Variants in RNF144A observed in about 807,000 individuals in gnomAD.
RNF144A encodes the protein ring finger protein 144A, also known as E3 ubiquitin-protein ligase RNF144A.
A neutral mutation model predicts 38.7 loss-of-function variants in RNF144A; 11 were observed. The ratio of observed to expected loss-of-function variants is 0.28; its 90% CI spans 0.18 to 0.47. The LOEUF (loss-of-function observed/expected upper bound fraction) is 0.47, where lower values mean the gene tolerates loss of function less well. Ranked by LOEUF, RNF144A falls within the 20% of genes least tolerant of loss-of-function variation. RNF144A has a pLI of 0.99. For missense variants in RNF144A, 316 were observed against 377.2 expected (o/e 0.84, Z 1.34); for synonymous variants, 149 against 143.9 (o/e 1.04, Z -0.25).
chr2:6,942,875 T>C (rs543511952), intron 2 of RNF144A, among the ~76,000 whole-genome samples: 7 of 152,248 alleles, frequency 4.6e-5, no homozygotes, highest in Non-Finnish European at 8.8e-5. Context: ...TTCCAGCTAC[T>C]CGGGAGGCTG....
chr2:6,959,694 A>G (rs962942433), intron 2 of RNF144A, among the ~76,000 whole-genome samples: 7 of 152,172 alleles, frequency 4.6e-5, no homozygotes, highest in Non-Finnish European at 2.9e-5. Context: ...TACTCCTATG[A>G]TAACCCATTA....
intron 2 of RNF144A, among the ~76,000 whole-genome samples, chr2:6,983,841 G>A (rs1038153936): frequency 6.6e-6 from 1 of 152,158 alleles, no homozygotes; most frequent in South Asian, 2.1e-4. Flanking sequence ...TGGCAGCTCC[G>A]TCCTGCTGCC....
intron 3 of RNF144A, among the ~76,000 whole-genome samples, chr2:7,001,107 C>G (rs1670074476): frequency 6.6e-6 from 1 of 151,798 alleles, no homozygotes; most frequent in Non-Finnish European, 1.5e-5. Flanking sequence ...CGAGACCAGC[C>G]TGGCCAACAT....
rs757487227 is a variant in RNF144A at position 6,941,800 on chromosome 2, C to T, written c.-12+653C>T. On this transcript the variant is annotated intron_variant, in intron 2 of 8. Coordinates refer to ENST00000320892, the MANE Select transcript of RNF144A (RefSeq NM_014746.6). This position sits in a 1 kb window ranked among gnomAD's most constrained non-coding sequence, Gnocchi z 6.5. ...AGTAACTAGCCACTTAGCATCTGGG[C>T]AAGAGCGCTGTAGACAGAAGGGCTG... 7.2e-5 allele frequency among the ~76,000 whole-genome samples: 11 copies of T among 152,196 alleles called. No homozygotes were observed. Among genetic ancestry groups the T allele is most frequent in the East Asian group, 1.9e-4 (1 of 5,196 alleles).
At chr2:7,017,625 T>A (rs1671225906) in intron 5 of RNF144A, among the ~76,000 whole-genome samples, 1 of 152,250 alleles carries the variant, frequency 6.6e-6, no homozygotes. Flanking sequence ...AGAGACCTGC[T>A]TCATTAATCT....
Position 6,979,271 on chromosome 2 carries a change from G to A in RNF144A, c.-11-17645G>A, listed in dbSNP as rs559833541. Among the ~76,000 whole-genome samples the A allele has an allele frequency of 2.6e-5, 4 of 152,316 alleles. No individual in the cohort carries two copies. In the East Asian group the frequency reaches 7.7e-4, roughly 29 times the overall value. On this transcript the variant is annotated intron_variant, in intron 2 of 8. Coordinates refer to ENST00000320892, the MANE Select transcript of RNF144A (RefSeq NM_014746.6). ...GATCACGTGGACTTCCTCACAGGGA[G>A]GGTGGGAGATGCAGATGAGATGAGA...
At chr2:7,045,597 C>T (rs1236916575), downstream of RNF144A, among the ~76,000 whole-genome samples, 5 of 152,162 alleles carry the variant, frequency 3.3e-5, no homozygotes, top group Non-Finnish European at 7.4e-5. Context: ...TAGAGCCTAC[C>T]CTGATGACCT....
intron 7 of RNF144A, among the ~76,000 whole-genome samples, chr2:7,026,119 G>C (rs1423552029): frequency 6.6e-6 from 1 of 152,162 alleles, no homozygotes; most frequent in Non-Finnish European, 1.5e-5. Flanking sequence ...TGAGAGATTT[G>C]TCTAGAAGAA....
Position 7,043,904 on chromosome 2 carries a change from T to C in RNF144A, c.*4144T>C. The C allele has an allele frequency of 1.0e-6, 1 of 985,856 alleles. No homozygotes were observed. The highest frequency in any genetic ancestry group is 1.7e-5 in the African/African-American group (1 of 57,356). The allele number at this position is 985,856 out of a possible 1,614,324, so 61.1% of individuals were successfully genotyped here. Reference sequence around the variant, plus strand: ...GAGTCATGCACATGTATACGTTATGTATTTGACAAGTGGTGGTGAAACAAA... The same window carrying C: ...GAGTCATGCACATGTATACGTTATGCATTTGACAAGTGGTGGTGAAACAAA... On this transcript the variant is annotated 3_prime_UTR_variant, in exon 9 of 9. Coordinates refer to ENST00000320892, the MANE Select transcript of RNF144A (RefSeq NM_014746.6).
intron 3 of RNF144A, among the ~76,000 whole-genome samples, chr2:7,007,795 C>T (rs1358628275): frequency 6.6e-6 from 1 of 152,170 alleles, no homozygotes; most frequent in African/African-American, 2.4e-5. Flanking sequence ...CATTTTTGCT[C>T]CTCTGTGAAT....
At chr2:6,996,115 A>G (rs1163334704) in intron 2 of RNF144A, among the ~76,000 whole-genome samples, 4 of 152,078 alleles carry the variant, frequency 2.6e-5, no homozygotes, top group Non-Finnish European at 5.9e-5. Context: ...GAAAGATGCT[A>G]CGACATTTCT....
intron 1 of RNF144A, among the ~76,000 whole-genome samples, chr2:6,919,577 G>A (rs534906993): frequency 2.0e-5 from 3 of 148,404 alleles, no homozygotes; most frequent in Admixed American, 6.8e-5. Flanking sequence ...AGTGATTTCC[G>A]CGGTGTTGCG....
intron 3 of RNF144A, among the ~76,000 whole-genome samples, chr2:7,007,756 G>A (rs753135510): frequency 7.9e-5 from 12 of 152,180 alleles, no homozygotes; most frequent in Non-Finnish European, 1.8e-4. Flanking sequence ...GGAGGTCTTC[G>A]TGATGAAGCC....
chr2:7,008,986 G>A (rs529389999), intron 3 of RNF144A, among the ~76,000 whole-genome samples: 6 of 152,152 alleles, frequency 3.9e-5, no homozygotes, highest in South Asian at 2.1e-4. Context: ...AAATCATTCC[G>A]TCCACATCTT....
intron 8 of RNF144A, among the ~76,000 whole-genome samples, chr2:7,032,624 C>T (rs529044614): frequency 2.6e-5 from 4 of 152,360 alleles, no homozygotes; most frequent in East Asian, 3.9e-4. Context: ...CGTCTTCCTC[C>T]GGCTGCCTCT....
Position 7,042,174 on chromosome 2 carries a change from G to T in RNF144A, c.*2414G>T, listed in dbSNP as rs186605936. 4.1e-6 allele frequency: 4 copies of T among 985,114 alleles called. No homozygotes were observed. The highest frequency in any genetic ancestry group is 1.1e-4 in the East Asian group (1 of 8,816). The allele number at this position is 985,114 out of a possible 1,614,324, so 61.0% of individuals were successfully genotyped here. On this transcript the variant is annotated 3_prime_UTR_variant, in exon 9 of 9. Coordinates refer to ENST00000320892, the MANE Select transcript of RNF144A (RefSeq NM_014746.6). ...AGATCACTCTGAGATACATAAACTC[G>T]CATTTCCTTCTGTTTTAGTAAGGAG...
chr2:6,961,863 A>G (rs1667367221), intron 2 of RNF144A, among the ~76,000 whole-genome samples: 1 of 152,298 alleles, frequency 6.6e-6, no homozygotes, highest in Non-Finnish European at 1.5e-5. Flanking sequence ...TGGAAGTAGT[A>G]TTAGCTACAG....
At chr2:6,959,381 A>G (rs1667194179) in intron 2 of RNF144A, among the ~76,000 whole-genome samples, 1 of 152,206 alleles carries the variant, frequency 6.6e-6, no homozygotes, top group Non-Finnish European at 1.5e-5. Flanking sequence ...TTACTAGGAA[A>G]ACAGGGATCA....
At chr2:6,999,385 G>A (rs981860284) in intron 3 of RNF144A, among the ~76,000 whole-genome samples, 16 of 152,206 alleles carry the variant, frequency 1.1e-4, no homozygotes, top group Non-Finnish European at 4.4e-5. Context: ...CAAGCTGGGG[G>A]CAGGCCATGG....
Sources: gnomAD v4.1 joint callset for allele counts (sites outside exome capture counted in the v4.1 genomes callset) on GRCh38, gnomAD v4.1.1 for gene constraint, Gnocchi (gnomAD v3.1) non-coding constraint, MANE v1.5 for transcripts, NCBI Gene and HGNC (gene_info 2026-07-23, HGNC 2026-07-21) for gene names.